Variants in DIP2B observed in about 807,000 individuals in gnomAD.
DIP2B encodes the protein disco-interacting protein 2 homolog B.
A neutral mutation model predicts 198.0 loss-of-function variants in DIP2B; 76 were observed. The observed-to-expected ratio is 0.38, with a 90% CI of 0.32 to 0.46. The LOEUF is 0.46. Ranked by LOEUF, DIP2B falls within the 20% of genes least tolerant of loss-of-function variation. The probability of loss-of-function intolerance (pLI) is 0.99; values close to 1 mark genes in which losing one functional copy is unlikely to be tolerated. For missense variants in DIP2B, 1,559 were observed against 1,978.4 expected (o/e 0.79, Z 4.02); for synonymous variants, 701 against 739.1 (o/e 0.95, Z 0.84).
At chr12:50,506,731 T>C (rs1004378025) in intron 1 of DIP2B, among the ~76,000 whole-genome samples, 6 of 152,210 alleles carry the variant, frequency 3.9e-5, no homozygotes, top group Non-Finnish European at 7.3e-5. Context: ...GAGGAGCTTT[T>C]TGCATTACCA....
intron 3 of DIP2B, among the ~76,000 whole-genome samples, chr12:50,647,133 A>G (rs866630285): frequency 2.6e-5 from 4 of 151,898 alleles, no homozygotes; most frequent in South Asian, 4.1e-4. Flanking sequence ...TCTCACTCCA[A>G]CCTCCGCCTC....
chr12:50,548,930 G>T (rs1481106917), intron 1 of DIP2B, among the ~76,000 whole-genome samples: 1 of 152,190 alleles, frequency 6.6e-6, no homozygotes. Flanking sequence ...TTCAGAAAAT[G>T]TGCAGTTTTC....
chr12:50,706,145 C>T lies in DIP2B; in HGVS notation c.2407-393C>T, dbSNP rs1939509156. Among the ~76,000 whole-genome samples the T allele has an allele frequency of 2.6e-5, 4 of 152,164 alleles. No homozygotes were observed. In the South Asian group the frequency reaches 8.3e-4, roughly 32 times the overall value. The stretch of plus-strand genomic sequence containing the variant: ...CCTATTTATACTGTTTTAATCTCCT[C>T]CTAATTCCAACAGTAAATGAATACA... On this transcript the variant is annotated intron_variant, in intron 20 of 37. Coordinates refer to ENST00000301180, the MANE Select transcript of DIP2B (RefSeq NM_173602.3).
chr12:50,533,513 G>A (rs925175606), intron 1 of DIP2B, among the ~76,000 whole-genome samples: 4 of 152,146 alleles, frequency 2.6e-5, no homozygotes, highest in African/African-American at 7.2e-5. Flanking sequence ...GGATCCTTCA[G>A]AAAGGGAGCA....
chr12:50,600,893 A>G (rs1958928749), intron 1 of DIP2B, among the ~76,000 whole-genome samples: 1 of 141,070 alleles, frequency 7.1e-6, no homozygotes, highest in African/African-American at 2.8e-5. Context: ...CATGACCACC[A>G]TCACCACCAC....
intron 8 of DIP2B, chr12:50,679,521 A>T (rs1342287340): frequency 6.6e-6 from 1 of 152,248 alleles, no homozygotes; most frequent in African/African-American, 2.4e-5. Flanking sequence ...TAAACTTTGG[A>T]TGCCCCTCTG....
In DIP2B at chr12:50,630,467, A is replaced by AT. The variant is rs1239957117; in HGVS notation, c.172+4422dup. On this transcript the variant is annotated intron_variant, in intron 2 of 37. Transcript: ENST00000301180. ...GTTTTAAAGCTATGTTATTAGGTAC[A>AT]TTCAAATTAAGAATTATAATCTTCC... Among the ~76,000 whole-genome samples, 4 of 151,942 alleles carry AT rather than the reference A, an allele frequency of 2.6e-5. No homozygotes were observed. The South Asian group carries it at 6.2e-4, about 24-fold the overall frequency.
chr12:50,566,895 C>G (rs1470010379), intron 1 of DIP2B, among the ~76,000 whole-genome samples: 7 of 151,302 alleles, frequency 4.6e-5, no homozygotes, highest in Admixed American at 6.6e-5. Flanking sequence ...TGGTGTGAAC[C>G]CCGGAGGCGG....
chr12:50,732,410 G>A lies in DIP2B; in HGVS notation c.3855G>A (p.Val1285=). The part of the protein sequence containing the change: ...NLSCVRTCVV[V]AEERPRVALQ... ...CCTGCGTCCGGACCTGTGTGGTGGT[G>A]GCGGAGGAGAGGCCCCGCGTTGCAC... The change falls in exon 32 of 38, where the codon GTG becomes GTA. Residue 1285 remains valine, a synonymous_variant. Coordinates refer to ENST00000301180, the MANE Select transcript of DIP2B (RefSeq NM_173602.3). 1 of 1,614,198 alleles carries A rather than the reference G, an allele frequency of 6.2e-7. No individual in the cohort carries two copies.
intron 1 of DIP2B, among the ~76,000 whole-genome samples, chr12:50,518,342 A>G (rs1958084603): frequency 1.3e-5 from 2 of 151,156 alleles, no homozygotes. Flanking sequence ...CTGCTTCTTC[A>G]GCCTCCCGAG....
chr12:50,685,750 C>T lies in DIP2B; in HGVS notation c.1318-83C>T, dbSNP rs565037717. 4.8e-4 allele frequency: 684 copies of T among 1,436,562 alleles called. 1 individual carries two copies. Among genetic ancestry groups the T allele is most frequent in the Non-Finnish European group, 5.8e-4 (628 of 1,079,318 alleles). 89.0% of individuals were successfully genotyped at this position (1,436,562 alleles called of 1,614,324 possible). A position where few individuals can be genotyped will look rare whatever the true frequency, so the allele number is the denominator to read the frequency against. On this transcript the variant is annotated intron_variant, in intron 10 of 37. Transcript: ENST00000301180. ...CCATGAATGTTATCAAACAAAATGCCAGAGCATTACTAAGTGTCAGATATG... is the reference window on the plus strand; with the variant it reads ...CCATGAATGTTATCAAACAAAATGCTAGAGCATTACTAAGTGTCAGATATG...
At chr12:50,690,653 A>T (rs1165187091) in intron 12 of DIP2B, among the ~76,000 whole-genome samples, 1 of 152,238 alleles carries the variant, frequency 6.6e-6, no homozygotes, top group African/African-American at 2.4e-5. Flanking sequence ...GTTCTTCCTT[A>T]CAAAATTGGG....
chr12:50,584,178 G>A (rs1056666211), intron 1 of DIP2B, among the ~76,000 whole-genome samples: 3 of 152,158 alleles, frequency 2.0e-5, no homozygotes, highest in Non-Finnish European at 4.4e-5. Context: ...CACAGCCAAG[G>A]CTCATCCTCT....
At chr12:50,530,156 A>G (rs1958203198) in intron 1 of DIP2B, among the ~76,000 whole-genome samples, 1 of 151,944 alleles carries the variant, frequency 6.6e-6, no homozygotes, top group Non-Finnish European at 1.5e-5. Context: ...GGCTCACTGC[A>G]AGCTCCGCCT....
At position 50,671,409 on chromosome 12, in the gene DIP2B, G is replaced by C; in HGVS notation, c.640+11G>C. 1.2e-6 allele frequency: 2 copies of C among 1,613,502 alleles called. No homozygotes were observed. The highest frequency in any genetic ancestry group is 1.7e-6 in the Non-Finnish European group (2 of 1,179,504). On this transcript the variant is annotated intron_variant, in intron 5 of 37. Transcript: ENST00000301180. The stretch of plus-strand genomic sequence containing the variant: ...CCAATACTCGAATAGGTAGGAGCTG[G>C]ATCTACCCAAGAAGCCCAAATTACA...
intron 1 of DIP2B, 48 bp downstream of exon 1, chr12:50,505,288 G>T: frequency 1.4e-6 from 2 of 1,407,814 alleles, no homozygotes; most frequent in Non-Finnish European, 1.8e-6. Flanking sequence ...GCGGATCGCG[G>T]CGACTTGGGA....
At chr12:50,724,733 G>T (rs1355253722) in intron 27 of DIP2B, 42 bp from the exon 28 acceptor site, 4 of 1,585,114 alleles carry the variant, frequency 2.5e-6, no homozygotes, top group Non-Finnish European at 3.5e-6. Context: ...CCATGTTGGG[G>T]CTGAGCCTCC....
chr12:50,593,707 C>CTCCTCTCCT (rs1958841226), intron 1 of DIP2B, among the ~76,000 whole-genome samples: 3 of 27,404 alleles, frequency 1.1e-4, no homozygotes, highest in African/African-American at 5.9e-4. Flanking sequence ...TCTCCTCTCC[C>CTCCTCTCCT]CTCCTCTCCT....
intron 1 of DIP2B, among the ~76,000 whole-genome samples, chr12:50,525,678 A>C (rs914982022): frequency 6.6e-6 from 1 of 151,784 alleles, no homozygotes. Flanking sequence ...ACACCTTGCT[A>C]ATTTTTTTAT....
Sources: allele counts gnomAD v4.1 joint callset (sites outside exome capture counted in the v4.1 genomes callset), GRCh38; gene constraint gnomAD v4.1.1; transcripts MANE v1.5; gene names NCBI Gene and HGNC (gene_info 2026-07-23, HGNC 2026-07-21).